NEDD4: variants seen among roughly 807,000 people sequenced by gnomAD.
NEDD4 encodes NEDD4 E3 ubiquitin protein ligase.
In NEDD4, 99 loss-of-function variants were observed where a neutral mutation model predicts 144.9. The observed-to-expected ratio is 0.68, with a 90% CI of 0.58 to 0.81. The LOEUF (loss-of-function observed/expected upper bound fraction) is 0.81. Among genes scored for constraint, NEDD4 ranks in the 30% least tolerant of loss-of-function variants. NEDD4 has a pLI of 0.00. For missense variants in NEDD4, 985 were observed against 1,065.9 expected (o/e 0.92, Z 1.06); for synonymous variants, 318 against 350.6 (o/e 0.91, Z 1.04).
rs2036631164 is a variant in NEDD4, at chr15:55,924,714, A to G, written c.238-15T>C. The G allele has an allele frequency of 2.5e-6, 4 of 1,601,568 alleles. No individual in the cohort carries two copies. The highest frequency in any genetic ancestry group is 2.2e-5 in the East Asian group (1 of 44,644). ...TGAGGATGAACCTAAGAAAAACACA[A>G]TCTTTATTTAAAAACAAGTAAACAT... On this transcript the variant is annotated splice_polypyrimidine_tract_variant and intron_variant, in intron 4 of 28. Coordinates refer to ENST00000435532, the MANE Select transcript of NEDD4 (RefSeq NM_006154.4).
At chr15:55,922,561 C>T (rs1346533844) in intron 5 of NEDD4, among the ~76,000 whole-genome samples, 1 of 152,146 alleles carries the variant, frequency 6.6e-6, no homozygotes, top group African/African-American at 2.4e-5. Flanking sequence ...CAGAGTTTCA[C>T]CACGTTGGCC....
At chr15:55,979,756 C>G (rs1034986067) in intron 1 of NEDD4, among the ~76,000 whole-genome samples, 7 of 152,108 alleles carry the variant, frequency 4.6e-5, no homozygotes, top group Non-Finnish European at 7.4e-5. Flanking sequence ...TTTCTAAAAG[C>G]CTTAGATGAA....
intron 2 of NEDD4, among the ~76,000 whole-genome samples, chr15:55,963,383 A>G (rs1400436319): frequency 2.0e-5 from 3 of 151,764 alleles, no homozygotes; most frequent in African/African-American, 7.3e-5. Flanking sequence ...TGGCTTTTTT[A>G]TTTAGTTTTT....
intron 2 of NEDD4, among the ~76,000 whole-genome samples, chr15:55,964,807 T>C (rs1192715149): frequency 6.6e-6 from 1 of 151,914 alleles, no homozygotes; most frequent in Non-Finnish European, 1.5e-5. Flanking sequence ...TGTGGGAATA[T>C]TGAAAGATGG....
chr15:55,856,139 G>A lies in NEDD4; in HGVS notation c.1018C>T (p.Leu340Phe), dbSNP rs140868475. The change falls in exon 12 of 29, where the codon CTT (leucine) becomes TTT (phenylalanine). Residue 340 changes from leucine (L) to phenylalanine (F), a missense_variant. Leu to Phe is a conservative substitution (Grantham distance 22, BLOSUM62 0). Transcript: ENST00000435532. ...QAYTFEEQPT[L>F]PVLLPTSSGL... ...GAGAGGGTAAAACTCACCACAGGAA[G>A]TGTAGGTTGTTCCTCAAAAGTATAG... The A allele has an allele frequency of 9.4e-4, 1,517 of 1,612,578 alleles. 4 individuals are homozygous for A. Among genetic ancestry groups the A allele is most frequent in the Non-Finnish European group, 1.2e-3 (1,414 of 1,178,930 alleles).
At chr15:55,855,248 T>G (rs1198251106) in intron 12 of NEDD4, among the ~76,000 whole-genome samples, 1 of 152,164 alleles carries the variant, frequency 6.6e-6, no homozygotes, top group Non-Finnish European at 1.5e-5. Context: ...TGCTAGAACA[T>G]ACCCTACTTT....
chr15:55,884,489 G>A (rs1419758770), intron 5 of NEDD4, among the ~76,000 whole-genome samples: 9 of 152,102 alleles, frequency 5.9e-5, no homozygotes, highest in African/African-American at 2.2e-4. Flanking sequence ...AGAGATATAT[G>A]TGACCTTTCA....
chr15:55,963,518 T>C (rs953775794), intron 2 of NEDD4, among the ~76,000 whole-genome samples: 9 of 152,320 alleles, frequency 5.9e-5, no homozygotes, highest in African/African-American at 2.2e-4. Context: ...CTTAGTATTG[T>C]ACCATTCTAC....
intron 1 of NEDD4, among the ~76,000 whole-genome samples, chr15:55,976,404 T>C (rs532680662): frequency 3.3e-5 from 5 of 152,092 alleles, no homozygotes; most frequent in African/African-American, 1.2e-4. Context: ...GATATTAAAA[T>C]GGGCAAAAGA....
chr15:55,874,145 A>G (rs2034908265), intron 5 of NEDD4, 137 bp from the exon 6 acceptor site: 1 of 473,146 alleles, frequency 2.1e-6, no homozygotes, highest in Non-Finnish European at 3.9e-6. Context: ...AATGGAAAAT[A>G]AAAAGTAATG....
intron 4 of NEDD4, among the ~76,000 whole-genome samples, chr15:55,944,870 G>C (rs1000089927): frequency 1.3e-5 from 2 of 152,084 alleles, no homozygotes; most frequent in Admixed American, 6.6e-5. Context: ...AAGCAAACAG[G>C]GTCTGGAGTG....
intron 4 of NEDD4, among the ~76,000 whole-genome samples, chr15:55,949,581 G>A (rs1168106735): frequency 2.0e-5 from 3 of 152,176 alleles, no homozygotes; most frequent in African/African-American, 7.2e-5. Flanking sequence ...ACTGGATTAA[G>A]AAAATGTGGC....
rs754153011 is a variant in NEDD4, at chr15:55,832,987, T to C, written c.2527+21A>G. ...AATACGCATTATTCCATTTTTTTAA[T>C]GATCTATGGAAAATCCTTACCGTAT... On this transcript the variant is annotated intron_variant, in intron 27 of 28. Transcript: ENST00000435532. 9.8e-6 allele frequency: 15 copies of C among 1,533,646 alleles called. No individual in the cohort carries two copies. The East Asian group carries it at 1.6e-4, about 16-fold the overall frequency.
At chr15:55,969,082 C>A (rs1399435720) in intron 1 of NEDD4, among the ~76,000 whole-genome samples, 2 of 152,180 alleles carry the variant, frequency 1.3e-5, no homozygotes, top group Non-Finnish European at 2.9e-5. Context: ...CCCACATGCC[C>A]TGGCAGTGCA....
chr15:55,902,923 C>G (rs2035957008), intron 5 of NEDD4, among the ~76,000 whole-genome samples: 1 of 152,066 alleles, frequency 6.6e-6, no homozygotes, highest in East Asian at 1.9e-4. Context: ...ATCACTTGAA[C>G]CCAGGAAGTG....
At chr15:55,890,158 T>C (rs1229247714) in intron 5 of NEDD4, among the ~76,000 whole-genome samples, 3 of 152,160 alleles carry the variant, frequency 2.0e-5, no homozygotes, top group Admixed American at 6.5e-5. Flanking sequence ...TAAATATATA[T>C]ACCTACTATG....
At chr15:55,863,155 TAA>T (rs2034467993) in intron 8 of NEDD4, 76 bp from the exon 9 acceptor site, 1 of 1,259,766 alleles carries the variant, frequency 7.9e-7, no homozygotes, top group Non-Finnish European at 1.1e-6. Context: ...AAAGGAAATT[TAA>T]AAAGAGATTT....
In NEDD4 at chr15:55,844,469, G is replaced by A. The variant is rs144600467; in HGVS notation, c.1609-2306C>T. On this transcript the variant is annotated intron_variant, in intron 18 of 28. Transcript: ENST00000435532. ...AGGAGCAATGGTAGTGGAAGAAGAG[G>A]GGGGTACAAGAGAACTTCAGTGTTT... 9.7e-3 allele frequency among the ~76,000 whole-genome samples: 1,475 copies of A among 152,208 alleles called. 12 individuals carry two copies. Among genetic ancestry groups the A allele is most frequent in the Middle Eastern group, 0.02 (6 of 294 alleles).
chr15:55,871,354 T>C (rs1202850291), intron 7 of NEDD4, among the ~76,000 whole-genome samples: 1 of 152,240 alleles, frequency 6.6e-6, no homozygotes, highest in African/African-American at 2.4e-5. Context: ...TAGTACATTT[T>C]CTATCTGAAT....
Sources: gnomAD v4.1 joint callset for allele counts (sites outside exome capture counted in the v4.1 genomes callset) on GRCh38, gnomAD v4.1.1 for gene constraint, MANE v1.5 for transcripts, NCBI Gene and HGNC (gene_info 2026-07-23, HGNC 2026-07-21) for gene names.